The following PTK2 variants were observed in gnomAD, a reference collection of about 807,000 sequenced individuals.
The protein encoded by PTK2 is protein tyrosine kinase 2, also known as focal adhesion kinase 1.
PTK2 carries 45 observed loss-of-function variants against 150.1 expected under a neutral mutation model. The ratio of observed to expected loss-of-function variants is 0.30; its 90% CI spans 0.24 to 0.38. PTK2 has a LOEUF of 0.38. Among genes scored for constraint, PTK2 ranks in the 10% least tolerant of loss-of-function variants. The pLI is 1.00. For synonymous variants in PTK2, 432 were observed against 449.2 expected (o/e 0.96, Z 0.48); for missense variants, 919 against 1,307.3 (o/e 0.70, Z 4.58).
At chr8:140,775,901 C>A (rs1236074543) in intron 14 of PTK2, among the ~76,000 whole-genome samples, 1 of 152,140 alleles carries the variant, frequency 6.6e-6, no homozygotes, top group Non-Finnish European at 1.5e-5. Context: ...AAGGAAATTA[C>A]CATTTTTAAG....
At chr8:140,935,600 AG>A (rs1210010208) in intron 1 of PTK2, among the ~76,000 whole-genome samples, 1 of 152,158 alleles carries the variant, frequency 6.6e-6, no homozygotes, top group East Asian at 1.9e-4. Context: ...TGGCTTGCAA[AG>A]ACCTCTATCT....
At chr8:140,741,192 C>T (rs1024775314) in intron 20 of PTK2, among the ~76,000 whole-genome samples, 1 of 151,564 alleles carries the variant, frequency 6.6e-6, no homozygotes, top group Non-Finnish European at 1.5e-5. Context: ...TGGCTGACGC[C>T]TGTAATCCCA....
At chr8:140,817,065 T>C (rs1316323910) in intron 10 of PTK2, among the ~76,000 whole-genome samples, 1 of 152,110 alleles carries the variant, frequency 6.6e-6, no homozygotes, top group Non-Finnish European at 1.5e-5. Flanking sequence ...CAGAATCCCA[T>C]CTGGCCCCCA....
intron 24 of PTK2, among the ~76,000 whole-genome samples, chr8:140,705,611 T>G (rs2100033292): frequency 6.6e-6 from 1 of 152,210 alleles, no homozygotes; most frequent in South Asian, 2.1e-4. Flanking sequence ...CCAGTAAAAG[T>G]TAATAACTTT....
At chr8:140,986,791 GT>G (rs1458555610) in intron 1 of PTK2, among the ~76,000 whole-genome samples, 5 of 152,208 alleles carry the variant, frequency 3.3e-5, no homozygotes, top group Non-Finnish European at 7.3e-5. Flanking sequence ...AAAAGTAAGT[GT>G]TCTCTGGAGG....
intron 4 of PTK2, among the ~76,000 whole-genome samples, chr8:140,868,332 C>T (rs376682244): frequency 6.6e-6 from 1 of 152,058 alleles, no homozygotes; most frequent in African/African-American, 2.4e-5. Flanking sequence ...TCTGTTCTTA[C>T]AATAGACTTC....
intron 1 of PTK2, among the ~76,000 whole-genome samples, chr8:140,962,715 A>G (rs2100183772): frequency 6.6e-6 from 1 of 151,790 alleles, no homozygotes; most frequent in African/African-American, 2.4e-5. Context: ...GGGGAGGCGG[A>G]GCTTGCAGTG....
chr8:140,846,767 C>T (rs1385384029), intron 5 of PTK2, 89 bp from the exon 6 acceptor site: 2 of 875,206 alleles, frequency 2.3e-6, no homozygotes, highest in African/African-American at 1.7e-5. Context: ...GAGTACCTTT[C>T]ATATAGTTTA....
intron 10 of PTK2, among the ~76,000 whole-genome samples, chr8:140,804,407 G>C (rs2154594675): frequency 6.6e-6 from 1 of 151,390 alleles, no homozygotes; most frequent in East Asian, 1.9e-4. Flanking sequence ...GCAACATAGT[G>C]AGACCCTTTC....
chr8:140,781,121 C>T (rs982300166), intron 14 of PTK2, among the ~76,000 whole-genome samples: 10 of 151,922 alleles, frequency 6.6e-5, no homozygotes, highest in African/African-American at 1.7e-4. Flanking sequence ...AAGCTACAAA[C>T]GGGGTGGGGG....
At chr8:140,955,055 T>C (rs10092810) in intron 1 of PTK2, among the ~76,000 whole-genome samples, 63,478 of 152,046 alleles carry the variant, frequency 0.42, 15,170 homozygotes, top group Non-Finnish European at 0.55. Flanking sequence ...CATTAAAACA[T>C]CAACAGGCAT....
chr8:140,976,747 C>T (rs2100189384), intron 1 of PTK2, among the ~76,000 whole-genome samples: 1 of 152,122 alleles, frequency 6.6e-6, no homozygotes, highest in Non-Finnish European at 1.5e-5. Context: ...TTTAAAAAGC[C>T]TAATAATGTT....
chr8:140,659,746 G>A (rs2076766290), intron 31 of PTK2, 68 bp from the exon 36 acceptor site: 1 of 1,392,708 alleles, frequency 7.2e-7, no homozygotes, highest in Admixed American at 2.0e-5. Flanking sequence ...TTAGAGAGAT[G>A]TTCTTACTGT....
chr8:140,982,397 G>A (rs1393197382), intron 1 of PTK2, among the ~76,000 whole-genome samples: 2 of 152,224 alleles, frequency 1.3e-5, no homozygotes, highest in Non-Finnish European at 2.9e-5. Flanking sequence ...AGGAGTTCGA[G>A]ACCAGCCTGA....
intron 27 of PTK2, among the ~76,000 whole-genome samples, chr8:140,682,296 C>A (rs906923578): frequency 2.0e-5 from 3 of 152,122 alleles, no homozygotes; most frequent in African/African-American, 4.8e-5. Context: ...GCACAAGAAT[C>A]GCTTGAAACT....
At chr8:140,801,627 G>A (rs997926936) in intron 11 of PTK2, among the ~76,000 whole-genome samples, 18 of 152,088 alleles carry the variant, frequency 1.2e-4, no homozygotes, top group Admixed American at 1.1e-3. Context: ...TGGCTTCTGC[G>A]TAAAGAACCA....
chr8:140,757,587 C>T (rs1246705685), intron 16 of PTK2, among the ~76,000 whole-genome samples: 2 of 151,950 alleles, frequency 1.3e-5, no homozygotes, highest in South Asian at 2.1e-4. Context: ...CACTAGTACA[C>T]GTGTAAAGGA....
At chr8:140,901,091 A>G (rs898624356) in intron 2 of PTK2, among the ~76,000 whole-genome samples, 47 of 152,232 alleles carry the variant, frequency 3.1e-4, no homozygotes, top group African/African-American at 1.1e-3. Context: ...GATCTCAAAT[A>G]TAAATCCATA....
At chr8:140,721,596 G>A (rs2100042978) in intron 22 of PTK2, 1 of 151,994 alleles carries the variant, frequency 6.6e-6, no homozygotes, top group African/African-American at 2.4e-5. Context: ...CACACATGGC[G>A]GGAACTACCA....
Sources: gnomAD v4.1 joint callset for allele counts (sites outside exome capture counted in the v4.1 genomes callset) on GRCh38, gnomAD v4.1.1 for gene constraint, MANE v1.5 for transcripts, NCBI Gene and HGNC (gene_info 2026-07-23, HGNC 2026-07-21) for gene names.